The following CLPTM1L variants were observed in gnomAD, a reference collection of about 807,000 sequenced individuals.
CLPTM1L encodes lipid scramblase CLPTM1L.
A neutral mutation model predicts 70.9 loss-of-function variants in CLPTM1L; 38 were observed. That is an observed-to-expected ratio of 0.54 (90% CI 0.41 to 0.70). The LOEUF (loss-of-function observed/expected upper bound fraction) is 0.70. Among genes scored for constraint, CLPTM1L ranks in the 30% least tolerant of loss-of-function variants. The pLI is 0.00. For missense variants in CLPTM1L, 652 were observed against 705.9 expected (o/e 0.92, Z 0.87); for synonymous variants, 339 against 299.9 (o/e 1.13, Z -1.35).
chr5:1,342,861 T>C lies in CLPTM1L; in HGVS notation c.264-1001A>G. 6.6e-6 allele frequency among the ~76,000 whole-genome samples: 1 copy of C among 152,204 alleles called. No homozygotes were observed. Among genetic ancestry groups the C allele is most frequent in the East Asian group, 1.9e-4 (1 of 5,186 alleles). ...GCCTTGGCCTCCCAAACTGCTGGGA[T>C]TATAGGCATGAGTCACTGTGCCCGG... On this transcript the variant is annotated intron_variant, in intron 2 of 16. Coordinates refer to ENST00000320895, the MANE Select transcript of CLPTM1L (RefSeq NM_030782.5). The surrounding 1 kb of genome is among the most constrained non-coding windows in gnomAD (Gnocchi z 4.3).
intron 14 of CLPTM1L, 23 bp downstream of exon 14, chr5:1,321,741 G>T (rs574380664): frequency 1.2e-6 from 2 of 1,613,952 alleles, no homozygotes; most frequent in South Asian, 2.2e-5. Flanking sequence ...GGGCCGGGCC[G>T]CGGGCAGCAC....
chr5:1,339,118 C>T (rs1263349894), intron 3 of CLPTM1L, 113 bp from the exon 4 acceptor site: 3 of 1,266,412 alleles, frequency 2.4e-6, no homozygotes, highest in African/African-American at 3.0e-5. Context: ...GCAAACTGTG[C>T]CCGGGACAGC....
At chr5:1,333,664 T>TACTGTATACACACCAGAA (rs1561244407) in intron 7 of CLPTM1L, among the ~76,000 whole-genome samples, 1 of 19,216 alleles carries the variant, frequency 5.2e-5, no homozygotes, top group Non-Finnish European at 9.5e-5. Context: ...ACACACCGGC[T>TACTGTATACACACCAGAA]GAGGATAAGG....
chr5:1,333,303 C>T (rs1753269756), intron 7 of CLPTM1L, among the ~76,000 whole-genome samples: 2 of 135,994 alleles, frequency 1.5e-5, no homozygotes, highest in African/African-American at 3.0e-5. Context: ...GGGGAGACTA[C>T]TGTATACACA....
chr5:1,332,851 C>T (rs1371348742), intron 7 of CLPTM1L, among the ~76,000 whole-genome samples: 1 of 152,230 alleles, frequency 6.6e-6, no homozygotes, highest in Non-Finnish European at 1.5e-5. Flanking sequence ...ATTTGATACA[C>T]ATATTCAGAC....
At chr5:1,344,050 C>T (rs1754114270) in intron 2 of CLPTM1L, among the ~76,000 whole-genome samples, 1 of 152,252 alleles carries the variant, frequency 6.6e-6, no homozygotes, top group Non-Finnish European at 1.5e-5. Context: ...GAGTTGTCTG[C>T]TCTCCACTGG....
At chr5:1,344,547 TG>T (rs747530682) in intron 1 of CLPTM1L, 96 bp from the exon 2 acceptor site, 29 of 1,459,096 alleles carry the variant, frequency 2.0e-5, no homozygotes, top group African/African-American at 2.8e-5. Flanking sequence ...ACCTGGCCGC[TG>T]GGGAACCAGG....
intron 10 of CLPTM1L, 118 bp from the exon 11 acceptor site, chr5:1,324,931 G>T: frequency 1.1e-6 from 1 of 881,844 alleles, no homozygotes; most frequent in Non-Finnish European, 1.9e-6. Context: ...TCACTACAGA[G>T]GGCGCTCAGG....
intron 11 of CLPTM1L, among the ~76,000 whole-genome samples, chr5:1,324,504 C>T (rs1429359407): frequency 1.3e-5 from 2 of 152,254 alleles, no homozygotes; most frequent in African/African-American, 2.4e-5. Context: ...ATGTGACTTA[C>T]AAACGATGAA....
rs772375613 is a variant in CLPTM1L, at chr5:1,338,944, G to A, written c.515C>T (p.Pro172Leu). 1.4e-5 allele frequency: 22 copies of A among 1,613,268 alleles called. No homozygotes were observed. The highest frequency in any genetic ancestry group is 1.7e-5 in the Non-Finnish European group (20 of 1,180,058). Reference sequence around the variant, plus strand: ...CGCCATCACGTTCAGCGCCAGCCGCGGTCGCCAGTGGGACACTGGCTCATC... The same window carrying A: ...CGCCATCACGTTCAGCGCCAGCCGCAGTCGCCAGTGGGACACTGGCTCATC... ...ALDEPVSHWR[P>L]RLALNVMADN... The change falls in exon 4 of 17, where the codon CCG (proline) becomes CTG (leucine). Residue 172 changes from proline (P) to leucine (L), a missense_variant. By Grantham distance (98) the Pro-to-Leu change is moderately conservative. Around this residue, in one of 3 missense-constraint regions of CLPTM1L, gnomAD observed 402 missense variants for 388.2 expected, o/e 1.04. Transcript: ENST00000320895.
intron 5 of CLPTM1L, among the ~76,000 whole-genome samples, chr5:1,336,483 C>G (rs560662300): frequency 1.3e-5 from 2 of 152,354 alleles, no homozygotes; most frequent in African/African-American, 4.8e-5. Context: ...CAGCCTTCTG[C>G]AGCTGCCTGC....
At chr5:1,331,443 A>C in intron 8 of CLPTM1L, 1 of 335,678 alleles carries the variant, frequency 3.0e-6, no homozygotes. Context: ...AAGACAGGGG[A>C]TGTGAGGCCC....
chr5:1,330,006 AT>A (rs1354944754), intron 9 of CLPTM1L, among the ~76,000 whole-genome samples: 6 of 108,922 alleles, frequency 5.5e-5, no homozygotes, highest in Admixed American at 8.6e-5. Flanking sequence ...CCTCAGGACT[AT>A]CTGCTTGGTG....
At chr5:1,321,193 G>A (rs931158332) in intron 15 of CLPTM1L, among the ~76,000 whole-genome samples, 3 of 152,226 alleles carry the variant, frequency 2.0e-5, no homozygotes, top group Admixed American at 6.5e-5. Context: ...ACTCAGCTCC[G>A]CCTGCAATGC....
At chr5:1,334,419 G>A (rs376580115) in intron 6 of CLPTM1L, 36 bp from the exon 7 acceptor site, 18 of 1,397,760 alleles carry the variant, frequency 1.3e-5, no homozygotes, top group African/African-American at 5.7e-5. Context: ...TATAAAACAG[G>A]CAATGTCAAT....
intron 16 of CLPTM1L, among the ~76,000 whole-genome samples, chr5:1,319,358 T>TCG (rs138072238): frequency 3.0e-5 from 4 of 132,092 alleles, no homozygotes; most frequent in East Asian, 2.3e-4. Flanking sequence ...AGCAACAGGG[T>TCG]GGGGGGGGGC....
Position 1,335,194 on chromosome 5 carries a change from T to C in CLPTM1L, c.679-20A>G, listed in dbSNP as rs1490171998. ...TATGACCTGATGAAGAAAGCCACACTGAGGGCCCTGCCCTCATACCCTTGC... is the reference window on the plus strand; with the variant it reads ...TATGACCTGATGAAGAAAGCCACACCGAGGGCCCTGCCCTCATACCCTTGC... On this transcript the variant is annotated intron_variant, in intron 5 of 16. Transcript: ENST00000320895. 10 of 1,596,066 alleles carry C rather than the reference T, an allele frequency of 6.3e-6. No individual in the cohort carries two copies. The highest frequency in any genetic ancestry group is 8.6e-6 in the Non-Finnish European group (10 of 1,164,538).
At chr5:1,331,735 C>T in intron 8 of CLPTM1L, 64 bp downstream of exon 8, 5 of 1,415,544 alleles carry the variant, frequency 3.5e-6, no homozygotes, top group Non-Finnish European at 5.0e-6. Flanking sequence ...CAGCCCTCTA[C>T]CGCAGGCTCC....
chr5:1,326,525 A>G (rs1280632377), intron 9 of CLPTM1L: 3 of 252,792 alleles, frequency 1.2e-5, no homozygotes, highest in South Asian at 4.2e-5. Context: ...CTCCTCCTCT[A>G]CCGACACATT....
Sources: allele counts gnomAD v4.1 joint callset (sites outside exome capture counted in the v4.1 genomes callset), GRCh38; gene constraint gnomAD v4.1.1; regional missense constraint gnomAD v4.1.1; non-coding constraint Gnocchi (gnomAD v3.1); transcripts MANE v1.5; gene names NCBI Gene and HGNC (gene_info 2026-07-23, HGNC 2026-07-21).